Variants in GAS7 observed in about 807,000 individuals in gnomAD.
The protein encoded by GAS7 is growth arrest-specific protein 7.
In GAS7, 28 loss-of-function variants were observed where a neutral mutation model predicts 71.1. The ratio of observed to expected loss-of-function variants is 0.39; its 90% CI spans 0.29 to 0.54. The LOEUF (loss-of-function observed/expected upper bound fraction) is 0.54, where lower values mean the gene tolerates loss of function less well. GAS7 is among the 20% of genes least tolerant of loss of function. GAS7 has a pLI of 0.62. For missense variants in GAS7, 436 were observed against 627.8 expected, an observed-to-expected ratio of 0.69 and a Z score of 3.27; for synonymous variants, 258 against 245.8, an observed-to-expected ratio of 1.05 and a Z score of -0.46.
At chr17:10,022,208 C>T (rs954496455) in intron 1 of GAS7, among the ~76,000 whole-genome samples, 2 of 152,066 alleles carry the variant, frequency 1.3e-5, no homozygotes, top group East Asian at 1.9e-4. Context: ...GAGCTGTGAT[C>T]GCACCACTGC....
intron 1 of GAS7, among the ~76,000 whole-genome samples, chr17:10,107,772 G>A (rs1242599024): frequency 2.0e-5 from 3 of 149,862 alleles, no homozygotes; most frequent in Non-Finnish European, 4.4e-5. Flanking sequence ...TAGGGAAACC[G>A]CCTTACACAC....
At chr17:10,050,740 G>C (rs554906775) in intron 1 of GAS7, among the ~76,000 whole-genome samples, 11 of 152,298 alleles carry the variant, frequency 7.2e-5, no homozygotes, top group African/African-American at 2.4e-4. Context: ...GTATACACGA[G>C]GGGTGAAGTC....
intron 2 of GAS7, among the ~76,000 whole-genome samples, chr17:9,982,360 C>G (rs2070442011): frequency 6.6e-6 from 1 of 152,200 alleles, no homozygotes; most frequent in Admixed American, 6.5e-5. Context: ...GGGCCCTCTG[C>G]CACCTGGTGG....
rs188270909 is a variant in GAS7, at chr17:9,955,349, C to G, written c.525+3853G>C. On this transcript the variant is annotated intron_variant, in intron 5 of 13. Transcript: ENST00000432992. The stretch of plus-strand genomic sequence containing the variant: ...AGACCTCATCCTCCTCCCAAGGCCT[C>G]CCAGGCATAGCAGGAGCTTCACTGC... Among the ~76,000 whole-genome samples, 242 of 152,372 alleles carry G rather than the reference C, an allele frequency of 1.6e-3. 1 individual carries two copies. The highest frequency in any genetic ancestry group is 5.3e-3 in the African/African-American group (222 of 41,590).
intron 1 of GAS7, among the ~76,000 whole-genome samples, chr17:10,188,101 G>A (rs1227637956): frequency 6.6e-6 from 1 of 152,142 alleles, no homozygotes; most frequent in Non-Finnish European, 1.5e-5. Context: ...AAATTAGCCA[G>A]GCATGGTGGT....
At chr17:10,066,024 T>C (rs1423530229) in intron 1 of GAS7, among the ~76,000 whole-genome samples, 1 of 152,148 alleles carries the variant, frequency 6.6e-6, no homozygotes, top group Non-Finnish European at 1.5e-5. Flanking sequence ...GGGGCCAAAA[T>C]GTAACTTGAC....
intron 1 of GAS7, among the ~76,000 whole-genome samples, chr17:10,069,477 C>T (rs2073317819): frequency 6.6e-6 from 1 of 152,128 alleles, no homozygotes; most frequent in Non-Finnish European, 1.5e-5. Context: ...ATAATAACCA[C>T]CACTACTATG....
At chr17:10,134,526 T>G (rs910912057) in intron 1 of GAS7, among the ~76,000 whole-genome samples, 3 of 152,224 alleles carry the variant, frequency 2.0e-5, no homozygotes, top group African/African-American at 7.2e-5. Context: ...ATAGCTGAAC[T>G]GATTTATATT....
chr17:10,194,131 T>G (rs1334404638), intron 1 of GAS7, among the ~76,000 whole-genome samples: 1 of 152,162 alleles, frequency 6.6e-6, no homozygotes, highest in Non-Finnish European at 1.5e-5. Context: ...CATATTCTGT[T>G]AGTAACCCAG....
chr17:9,956,637 G>A (rs191313593), intron 5 of GAS7, among the ~76,000 whole-genome samples: 2 of 152,326 alleles, frequency 1.3e-5, no homozygotes, highest in Admixed American at 6.5e-5. Flanking sequence ...GCCCCTGCCC[G>A]TTGCTGTCAG....
chr17:10,126,252 A>C (rs1327964250), intron 1 of GAS7, among the ~76,000 whole-genome samples: 1 of 152,178 alleles, frequency 6.6e-6, no homozygotes, highest in African/African-American at 2.4e-5. Context: ...TGGAGTTCTC[A>C]GGGAAGAAAC....
At chr17:9,976,995 A>G (rs2070231718) in intron 3 of GAS7, among the ~76,000 whole-genome samples, 1 of 152,210 alleles carries the variant, frequency 6.6e-6, no homozygotes, top group South Asian at 2.1e-4. Flanking sequence ...AGAACAGAAA[A>G]AGGACATGAA....
intron 1 of GAS7, chr17:10,036,291 C>T (rs1433138397): frequency 1.3e-6 from 1 of 758,148 alleles, no homozygotes; most frequent in African/African-American, 1.7e-5. Flanking sequence ...CACACAGGGT[C>T]CCCAGACCAC....
chr17:10,040,189 G>A (rs1040195303), intron 1 of GAS7, among the ~76,000 whole-genome samples: 8 of 152,194 alleles, frequency 5.3e-5, no homozygotes, highest in Non-Finnish European at 8.8e-5. Context: ...AGGCTCCTGC[G>A]AGAGATTGGG....
At chr17:10,127,658 TCC>T (rs565230949) in intron 1 of GAS7, among the ~76,000 whole-genome samples, 123 of 152,016 alleles carry the variant, frequency 8.1e-4, no homozygotes, top group East Asian at 2.3e-3. Context: ...GCGCAGAAAA[TCC>T]CCCGATTCCA....
rs775354427 is a variant in GAS7, at chr17:9,926,701, G to A, written c.954C>T (p.Cys318=). 62 of 1,613,710 alleles carry A rather than the reference G, an allele frequency of 3.8e-5. No homozygotes were observed. The highest frequency in any genetic ancestry group is 8.3e-5 in the Admixed American group (5 of 59,994). The change falls in exon 10 of 14, where the codon TGC becomes TGT. Residue 318 remains cysteine (C), a synonymous_variant. Coordinates refer to ENST00000432992, the MANE Select transcript of GAS7 (RefSeq NM_201433.2). The surrounding 1 kb of genome is among the most constrained non-coding windows in gnomAD (Gnocchi z 5.0). ...TGCGAAGGTCGGCAATGTGGTGGTCGCACTTCTTCATGTCTTTCTTGAAGT... is the reference window on the plus strand; with the variant it reads ...TGCGAAGGTCGGCAATGTGGTGGTCACACTTCTTCATGTCTTTCTTGAAGT... ...RENFKKDMKK[C]DHHIADLRKQ... is the part of the protein sequence containing the mutation.
At chr17:10,135,863 A>T (rs1255057053) in intron 1 of GAS7, among the ~76,000 whole-genome samples, 1 of 152,196 alleles carries the variant, frequency 6.6e-6, no homozygotes, top group South Asian at 2.1e-4. Flanking sequence ...ATCAACAGAG[A>T]ACTCAACTTA....
chr17:10,171,309 T>G (rs754431018), intron 1 of GAS7, among the ~76,000 whole-genome samples: 11 of 152,156 alleles, frequency 7.2e-5, no homozygotes, highest in Non-Finnish European at 1.5e-4. Flanking sequence ...TTTGAGTAAC[T>G]TGGTCCAAGC....
At chr17:10,163,729 C>T (rs1567616212) in intron 1 of GAS7, among the ~76,000 whole-genome samples, 3 of 152,060 alleles carry the variant, frequency 2.0e-5, no homozygotes, top group Non-Finnish European at 2.9e-5. Context: ...AGCAAGCCCC[C>T]AAGACTTTCC....
Sources: gnomAD v4.1 joint callset for allele counts (sites outside exome capture counted in the v4.1 genomes callset) on GRCh38, gnomAD v4.1.1 for gene constraint, Gnocchi (gnomAD v3.1) non-coding constraint, MANE v1.5 for transcripts, NCBI Gene and HGNC (gene_info 2026-07-23, HGNC 2026-07-21) for gene names.